IGSF9: variants seen among roughly 807,000 people sequenced by gnomAD.
The protein encoded by IGSF9 is protein turtle homolog A.
IGSF9 carries 87 observed loss-of-function variants against 121.7 expected under a neutral mutation model. That is an observed-to-expected ratio of 0.71 (90% confidence interval 0.60 to 0.85). IGSF9 has a LOEUF of 0.85. IGSF9 is among the 40% of genes least tolerant of loss of function. The pLI is 0.00. For missense variants in IGSF9, 1,462 were observed against 1,565.3 expected (o/e 0.93, Z 1.11); for synonymous variants, 640 against 648.4 (o/e 0.99, Z 0.20).
Position 159,928,966 on chromosome 1 carries a change from C to G in IGSF9, c.2422G>C (p.Gly808Arg). ...TGGCGCAGGCTGGGGACTGGGGATC[C>G]CTGGAGCTTCAGCTTCGCCACGCTG... ...PDSVAKLKLQ[G>R]SPVPSLRQSL... Residue 808 changes from glycine to arginine, a missense_variant, in exon 19 of 21, where the codon GGA (glycine) becomes CGA (arginine). Gly to Arg is a moderately radical substitution (Grantham distance 125). Transcript: ENST00000368094. The G allele has an allele frequency of 4.6e-6, 7 of 1,521,584 alleles. No individual in the cohort carries two copies. The highest frequency in any genetic ancestry group is 5.3e-6 in the Non-Finnish European group (6 of 1,136,880). The allele number at this position is 1,521,584 out of a possible 1,614,324, so 94.3% of individuals were successfully genotyped here.
intron 3 of IGSF9, among the ~76,000 whole-genome samples, chr1:159,941,467 T>C (rs1426308105): frequency 1.3e-5 from 2 of 152,202 alleles, no homozygotes; most frequent in East Asian, 1.9e-4. Flanking sequence ...GAACAAAGGA[T>C]AGGAGCAGAC....
Position 159,929,657 on chromosome 1 carries a change from GCGGCGGCGGGCAGCC to G in IGSF9, c.2292_2306del (p.Arg764_Arg769delinsSer). The G allele has an allele frequency of 6.3e-7, 1 of 1,593,304 alleles. No individual in the cohort carries two copies. Among genetic ancestry groups the G allele is most frequent in the Non-Finnish European group, 8.5e-7 (1 of 1,171,620 alleles). ...ACTTACCTTGGCGGAGGCGCTTGCGGCGGCGGCGGGCAGCCCTGCGCCGGTTCAGGAGGCAGCCGG... is the reference window on the plus strand; with the variant it reads ...ACTTACCTTGGCGGAGGCGCTTGCGGCTGCGCCGGTTCAGGAGGCAGCCGG... On this transcript the variant is annotated inframe_deletion, in exon 17 of 21. Coordinates refer to ENST00000368094, the MANE Select transcript of IGSF9 (RefSeq NM_001135050.2).
intron 5 of IGSF9, 101 bp from the exon 6 acceptor site, chr1:159,936,617 G>C: frequency 6.6e-7 from 1 of 1,521,412 alleles, no homozygotes; most frequent in African/African-American, 1.4e-5. Context: ...CCAGGCTCGG[G>C]GCAAACAATG....
chr1:159,945,497 C>T (rs1651551001), intron 1 of IGSF9, 76 bp downstream of exon 1: 1 of 152,636 alleles, frequency 6.6e-6, no homozygotes, highest in Non-Finnish European at 1.5e-5. Flanking sequence ...TAGAACTCCC[C>T]GCTTTCTCCT....
chr1:159,935,099 G>A (rs1292114266), intron 6 of IGSF9, among the ~76,000 whole-genome samples: 1 of 152,142 alleles, frequency 6.6e-6, no homozygotes, highest in Non-Finnish European at 1.5e-5. Context: ...GTTTGGGGGA[G>A]TCAGTTTAAC....
Position 159,930,192 on chromosome 1 carries a change from G to C in IGSF9, c.2061C>G (p.Ile687Met). 6.2e-7 allele frequency: 1 copy of C among 1,605,300 alleles called. No individual in the cohort carries two copies. The highest frequency in any genetic ancestry group is 1.1e-5 in the South Asian group (1 of 90,150). The change falls in exon 15 of 21, where the codon ATC (isoleucine) becomes ATG (methionine). Residue 687 changes from isoleucine (I) to methionine (M), a missense_variant. Physicochemically the swap from Ile to Met is conservative, Grantham distance 10 (BLOSUM62 1). Coordinates refer to ENST00000368094, the MANE Select transcript of IGSF9 (RefSeq NM_001135050.2). ...CTGTATCGCCTTTCGCACATACCTT[G>C]ATGAGGCCTGGCACCAGCAGCTCTG... Reference protein sequence around the residue: ...TETELLVPGLIKDVLYEFRLV... With the variant: ...TETELLVPGLMKDVLYEFRLV...
In IGSF9 at chr1:159,943,394, T is replaced by A. The variant is rs1651471145; in HGVS notation, c.58+3A>T. The stretch of plus-strand genomic sequence containing the variant: ...CATTCTTGAGCCCAAGAGCTCAGCT[T>A]ACCGTCAGCCCCCTGGCTGATGACC... On this transcript the variant is annotated splice_donor_region_variant and intron_variant, in intron 2 of 20. Coordinates refer to ENST00000368094, the MANE Select transcript of IGSF9 (RefSeq NM_001135050.2). 6.3e-7 allele frequency: 1 copy of A among 1,583,774 alleles called. No individual in the cohort carries two copies. The highest frequency in any genetic ancestry group is 1.2e-5 in the South Asian group (1 of 86,284).
chr1:159,936,090 G>A (rs1651172161), intron 6 of IGSF9, among the ~76,000 whole-genome samples: 1 of 152,184 alleles, frequency 6.6e-6, no homozygotes. Flanking sequence ...GTAGAGATGA[G>A]TCTCTTTATA....
At chr1:159,942,935 C>A (rs199644740) in intron 3 of IGSF9, 28 bp downstream of exon 3, 1 of 1,600,018 alleles carries the variant, frequency 6.2e-7, no homozygotes. Context: ...TGATACCTCC[C>A]TACCTCCCAC....
rs1571207977 is a variant in IGSF9 at position 159,927,227 on chromosome 1, G to A, written c.*118C>T. ...TGACCCAAACCCACTATCAGGGTCT[G>A]TGCCTGGGCACCAAAGGGGCAGGCA... On this transcript the variant is annotated 3_prime_UTR_variant, in exon 21 of 21. Transcript: ENST00000368094. The A allele has an allele frequency of 2.4e-6, 3 of 1,241,734 alleles. No individual in the cohort carries two copies. Among genetic ancestry groups the A allele is most frequent in the Non-Finnish European group, 3.5e-6 (3 of 853,718 alleles). 76.9% of individuals were successfully genotyped at this position (1,241,734 alleles called of 1,614,324 possible). A position where few individuals can be genotyped will look rare whatever the true frequency, so the allele number is the denominator to read the frequency against.
chr1:159,936,085 G>A (rs993893653), intron 6 of IGSF9, among the ~76,000 whole-genome samples: 1 of 152,214 alleles, frequency 6.6e-6, no homozygotes, highest in East Asian at 1.9e-4. Context: ...GAGAGGTAGA[G>A]ATGAGTCTCT....
chr1:159,936,553 T>C (rs749567563), intron 5 of IGSF9, 37 bp from the exon 6 acceptor site: 94 of 1,593,876 alleles, frequency 5.9e-5, no homozygotes, highest in Non-Finnish European at 7.7e-5. Context: ...TCCTTTCCCC[T>C]GCCAGCCTCA....
rs1650799448 is a variant in IGSF9, at chr1:159,927,901, A to G, written c.3231-14T>C. 2 of 1,605,370 alleles carry G rather than the reference A, an allele frequency of 1.2e-6. No individual in the cohort carries two copies. The highest frequency in any genetic ancestry group is 1.7e-6 in the Non-Finnish European group (2 of 1,177,698). On this transcript the variant is annotated splice_polypyrimidine_tract_variant and intron_variant, in intron 19 of 20. Transcript: ENST00000368094. ...GATGTGTTCCTCCTGTAAAAAAAAA[A>G]AAAAAGACAAACATATGGTGTGGGT...
At position 159,930,797 on chromosome 1, in the gene IGSF9, G is replaced by A; in HGVS notation, c.1708C>T (p.Leu570=). 6.2e-7 allele frequency: 1 copy of A among 1,614,048 alleles called. No individual in the cohort carries two copies. Among genetic ancestry groups the A allele is most frequent in the Non-Finnish European group, 8.5e-7 (1 of 1,179,926 alleles). Residue 570 remains leucine (L), a synonymous_variant, in exon 14 of 21, where the codon CTA becomes TTA. Transcript: ENST00000368094. ...LAVPVGAAHL[L]VPGLQPHTQY... ...GTGTGGGGCTGCAGCCCTGGCACTAGGAGGTGAGCAGCCCCCACAGGCACT... is the reference window on the plus strand; with the variant it reads ...GTGTGGGGCTGCAGCCCTGGCACTAAGAGGTGAGCAGCCCCCACAGGCACT...
chr1:159,942,868 G>C (rs1053150110), intron 3 of IGSF9, 95 bp downstream of exon 3: 1 of 989,090 alleles, frequency 1.0e-6, no homozygotes, highest in Non-Finnish European at 1.6e-6. Context: ...GATCAGAGCA[G>C]GGACAAAGCC....
At chr1:159,937,051 C>T (rs1171604642) in intron 4 of IGSF9, 143 bp from the exon 5 acceptor site, 3 of 764,304 alleles carry the variant, frequency 3.9e-6, no homozygotes, top group African/African-American at 3.5e-5. Flanking sequence ...CCCAGGGCCA[C>T]CCTGTCTACT....
rs1419864550 is a variant in IGSF9 at position 159,930,270 on chromosome 1, C to T, written c.1983G>A (p.Arg661=). ...GCACCTCCCAGCCCTGGGAGCCTTG[C>T]CGGCCTTCCAAGACGTAGCCATCCA... is the stretch of plus-strand genomic sequence containing the variant. The part of the protein sequence containing the change: ...KRLDGYVLEG[R]QGSQGWEVLD... Residue 661 remains arginine, a synonymous_variant, in exon 15 of 21, where the codon CGG becomes CGA. Coordinates refer to ENST00000368094, the MANE Select transcript of IGSF9 (RefSeq NM_001135050.2). 6.2e-7 allele frequency: 1 copy of T among 1,613,874 alleles called. No homozygotes were observed. Among genetic ancestry groups the T allele is most frequent in the East Asian group, 2.2e-5 (1 of 44,856 alleles).
At chr1:159,939,383 A>G (rs772343991) in intron 3 of IGSF9, among the ~76,000 whole-genome samples, 7 of 152,076 alleles carry the variant, frequency 4.6e-5, no homozygotes, top group Non-Finnish European at 7.4e-5. Flanking sequence ...ACGTGTCACC[A>G]TGCCTGGCTA....
At position 159,936,745 on chromosome 1, in the gene IGSF9, A is replaced by G; in HGVS notation, c.555+9T>C. On this transcript the variant is annotated intron_variant, in intron 5 of 20. Transcript: ENST00000368094. ...TATATGGCTCACTCTGTCCACCCCC[A>G]GGACTCACTTGCACCTGGCCCTGGC... 6.2e-7 allele frequency: 1 copy of G among 1,613,882 alleles called. No individual in the cohort carries two copies. Among genetic ancestry groups the G allele is most frequent in the East Asian group, 2.2e-5 (1 of 44,868 alleles).
Sources: gnomAD v4.1 joint callset for allele counts (sites outside exome capture counted in the v4.1 genomes callset) on GRCh38, gnomAD v4.1.1 for gene constraint, MANE v1.5 for transcripts, NCBI Gene and HGNC (gene_info 2026-07-23, HGNC 2026-07-21) for gene names.